Variants in STARD7 observed in about 807,000 individuals in gnomAD.
The protein encoded by STARD7 is stAR-related lipid transfer protein 7, mitochondrial.
A neutral mutation model predicts 45.3 loss-of-function variants in STARD7; 30 were observed. That is an observed-to-expected ratio of 0.66 (90% CI 0.50 to 0.90). STARD7 has a LOEUF of 0.90. STARD7 is among the 40% of genes least tolerant of loss of function. STARD7 has a pLI of 0.00. For synonymous variants in STARD7, 199 were observed against 183.0 expected (o/e 1.09, Z -0.70); for missense variants, 495 against 491.3 (o/e 1.01, Z -0.07).
intron 1 of STARD7, among the ~76,000 whole-genome samples, chr2:96,202,629 C>T (rs1683324505): frequency 6.6e-6 from 1 of 152,186 alleles, no homozygotes. Context: ...CTAAGCACAA[C>T]TCTTGAGTGT....
chr2:96,197,440 T>C (rs1683239127), intron 1 of STARD7, among the ~76,000 whole-genome samples: 1 of 152,188 alleles, frequency 6.6e-6, no homozygotes, highest in Non-Finnish European at 1.5e-5. Context: ...ATAAAGTGTT[T>C]GTTATCTGGC....
At chr2:96,192,238 C>T in intron 6 of STARD7, 131 bp downstream of exon 6, 3 of 742,278 alleles carry the variant, frequency 4.0e-6, no homozygotes, top group Non-Finnish European at 4.7e-6. Flanking sequence ...GTTCCCAGAC[C>T]AGTAGCATCA....
At chr2:96,189,432 C>T (rs1284235622) in intron 6 of STARD7, among the ~76,000 whole-genome samples, 4 of 152,052 alleles carry the variant, frequency 2.6e-5, no homozygotes, top group Non-Finnish European at 4.4e-5. Flanking sequence ...GGGCTGGGCA[C>T]GGTGGCTCAT....
At chr2:96,201,468 G>A (rs1233068925) in intron 1 of STARD7, among the ~76,000 whole-genome samples, 2 of 150,940 alleles carry the variant, frequency 1.3e-5, no homozygotes, top group African/African-American at 4.9e-5. Context: ...TGCAGCTGTA[G>A]TCCCAGCTAC....
chr2:96,192,321 A>C (rs1683137718), intron 6 of STARD7, 48 bp downstream of exon 6: 7 of 1,440,210 alleles, frequency 4.9e-6, no homozygotes, highest in Non-Finnish European at 6.9e-6. Context: ...TCCCTTGAGA[A>C]AATTCCACAG....
intron 1 of STARD7, among the ~76,000 whole-genome samples, chr2:96,201,703 C>G (rs1683308001): frequency 6.6e-6 from 1 of 151,890 alleles, no homozygotes; most frequent in South Asian, 2.1e-4. Context: ...CAGGCTGAGG[C>G]ACAAGAATCT....
rs1683454275 is a variant in STARD7, at chr2:96,208,737, C to T, written c.-303G>A. ...TCCTCGGCGACCTCCAGCGGGCGCC[C>T]GGGGCCGGGATGCAGGGCGCGCGGA... On this transcript the variant is annotated 5_prime_UTR_variant, in exon 1 of 8. Transcript: ENST00000337288. 1 of 408,660 alleles carries T rather than the reference C, an allele frequency of 2.4e-6. No homozygotes were observed. The allele number at this position is 408,660 out of a possible 1,614,324, so 25.3% of individuals were successfully genotyped here. A position where few individuals can be genotyped will look rare whatever the true frequency, so the allele number is the denominator to read the frequency against.
At chr2:96,191,113 T>TG (rs1232484527) in intron 6 of STARD7, among the ~76,000 whole-genome samples, 7 of 152,186 alleles carry the variant, frequency 4.6e-5, no homozygotes, top group African/African-American at 1.7e-4. Flanking sequence ...TGCAGTGAGT[T>TG]GTGATTGTAC....
At chr2:96,199,765 G>A (rs1683277527) in intron 1 of STARD7, among the ~76,000 whole-genome samples, 1 of 152,164 alleles carries the variant, frequency 6.6e-6, no homozygotes, top group Non-Finnish European at 1.5e-5. Context: ...TAAGTCTTTT[G>A]CCATTAACTA....
chr2:96,193,186 G>C (rs372530490), intron 4 of STARD7, 26 bp from the exon 5 acceptor site: 1 of 1,591,906 alleles, frequency 6.3e-7, no homozygotes, highest in African/African-American at 1.3e-5. Flanking sequence ...AGCAGGATTA[G>C]TGTTCTGCAT....
Position 96,208,616 on chromosome 2 carries a change from G to A in STARD7, c.-182C>T, listed in dbSNP as rs184846097. On this transcript the variant is annotated 5_prime_UTR_variant, in exon 1 of 8. Transcript: ENST00000337288. Reference sequence around the variant, plus strand: ...CCGCTGAGGAAGAGTCTCCTCTGAGGGGAGAGTCGGTCATGGCAGCAGACG... The same window carrying A: ...CCGCTGAGGAAGAGTCTCCTCTGAGAGGAGAGTCGGTCATGGCAGCAGACG... The A allele has an allele frequency of 2.7e-3, 1,385 of 504,408 alleles. 17 individuals are homozygous for A. The highest frequency in any genetic ancestry group is 0.024 in the African/African-American group (1,193 of 49,666). 31.2% of individuals were successfully genotyped at this position (504,408 alleles called of 1,614,324 possible). A position where few individuals can be genotyped will look rare whatever the true frequency, so the allele number is the denominator to read the frequency against.
At chr2:96,197,090 A>C (rs569951317) in intron 1 of STARD7, among the ~76,000 whole-genome samples, 2,048 of 136,976 alleles carry the variant, frequency 0.015, 115 homozygotes, top group East Asian at 0.11. Flanking sequence ...ATAAAATAAA[A>C]TAAAATAAAA....
intron 1 of STARD7, among the ~76,000 whole-genome samples, chr2:96,202,343 T>C (rs17419569): frequency 0.024 from 3,679 of 152,310 alleles, 70 homozygotes; most frequent in Middle Eastern, 0.048. Flanking sequence ...GGTCAACCTG[T>C]ACCCTGGCCT....
At position 96,186,926 on chromosome 2, in the gene STARD7, C is replaced by A. The variant is rs760075920; in HGVS notation, c.929-12G>T. 1 of 1,608,228 alleles carries A rather than the reference C, an allele frequency of 6.2e-7. No homozygotes were observed. Among genetic ancestry groups the A allele is most frequent in the Non-Finnish European group, 8.5e-7 (1 of 1,176,920 alleles). On this transcript the variant is annotated splice_polypyrimidine_tract_variant and intron_variant, in intron 7 of 7. Coordinates refer to ENST00000337288, the MANE Select transcript of STARD7 (RefSeq NM_020151.4). ...GAAATCTGGCATGCCTGTCAGGAGA[C>A]GAGAATCAGGTTAAGCTGACATACA...
chr2:96,187,151 TA>T, intron 7 of STARD7, 65 bp downstream of exon 7: 1 of 1,235,334 alleles, frequency 8.1e-7, no homozygotes, highest in South Asian at 1.3e-5. Flanking sequence ...ATTTCCCCAT[TA>T]GGAAATAGAG....
intron 1 of STARD7, among the ~76,000 whole-genome samples, chr2:96,201,111 T>G (rs1178184183): frequency 6.6e-6 from 1 of 152,194 alleles, no homozygotes; most frequent in African/African-American, 2.4e-5. Flanking sequence ...AACTATAAAT[T>G]CCTTAATAGC....
intron 3 of STARD7, among the ~76,000 whole-genome samples, chr2:96,194,134 G>A (rs1182241660): frequency 6.6e-6 from 1 of 152,188 alleles, no homozygotes; most frequent in Non-Finnish European, 1.5e-5. Context: ...AAAGGCAGGA[G>A]GATCACTAGA....
In STARD7 at chr2:96,194,981, G is replaced by C. The variant is rs764248203; in HGVS notation, c.526C>G (p.Pro176Ala). Reference protein sequence around the residue: ...RVFGTYTDVTPRQFFNVQLDT... With the variant: ...RVFGTYTDVTARQFFNVQLDT... ...ACCTGAACATTGAAGAACTGCCGAGGTGTCACATCTGTGTAGGTTCCAAAA... is the reference window on the plus strand; with the variant it reads ...ACCTGAACATTGAAGAACTGCCGAGCTGTCACATCTGTGTAGGTTCCAAAA... Residue 176 changes from proline (P) to alanine (A), a missense_variant, in exon 3 of 8, where the codon CCT (proline) becomes GCT (alanine). By Grantham distance (27) the Pro-to-Ala change is conservative. Around this residue, in one of 2 missense-constraint regions of STARD7, gnomAD observed 213 missense variants for 271.2 expected, o/e 0.79. Transcript: ENST00000337288. The C allele has an allele frequency of 6.2e-7, 1 of 1,610,662 alleles. No individual in the cohort carries two copies. The highest frequency in any genetic ancestry group is 8.5e-7 in the Non-Finnish European group (1 of 1,178,496).
rs573426025 is a variant in STARD7 at position 96,189,459 on chromosome 2, C to CT, written c.844-2159dup. On this transcript the variant is annotated intron_variant, in intron 6 of 7. Coordinates refer to ENST00000337288, the MANE Select transcript of STARD7 (RefSeq NM_020151.4). ...GTGGCTCATGCCTGTAATCCCAGCA[C>CT]TCAGAAAGGCCGAGGCGGGCGGATC... Among the ~76,000 whole-genome samples the CT allele has an allele frequency of 1.3e-3, 192 of 152,258 alleles. 2 individuals carry two copies. The highest frequency in any genetic ancestry group is 5.4e-3 in the Admixed American group (82 of 15,290).
Sources: gnomAD v4.1 joint callset for allele counts (sites outside exome capture counted in the v4.1 genomes callset) on GRCh38, gnomAD v4.1.1 for gene constraint, gnomAD v4.1.1 regional missense constraint, MANE v1.5 for transcripts, NCBI Gene and HGNC (gene_info 2026-07-23, HGNC 2026-07-21) for gene names.